The following HEXB variants were observed in gnomAD, a reference collection of about 807,000 sequenced individuals.
HEXB encodes the protein beta-hexosaminidase subunit beta.
Under a neutral mutation model 71.2 loss-of-function variants are expected in HEXB, and 51 were observed. The observed-to-expected ratio is 0.72, with a 90% CI of 0.57 to 0.90. The LOEUF is 0.90. HEXB is among the 40% of genes least tolerant of loss of function. The pLI is 0.00. For synonymous variants in HEXB, 266 were observed against 249.3 expected, an observed-to-expected ratio of 1.07 and a Z score of -0.63; for missense variants, 617 against 677.0, an observed-to-expected ratio of 0.91 and a Z score of 0.98.
Position 74,685,352 on chromosome 5 carries a change from C to T in HEXB, c.92C>T (p.Thr31Ile), listed in dbSNP as rs1033156510. ...CTGGCGGCGATGTTGGCGCTGCTGA[C>T]TCAGGTGGCGCTGGTGGTGCAGGTG... ...TLLAAMLALL[T>I]QVALVVQVAE... Residue 31 changes from threonine (T) to isoleucine (I), a missense_variant, in exon 1 of 14, where the codon ACT becomes ATT. Coordinates refer to ENST00000261416, the MANE Select transcript of HEXB (RefSeq NM_000521.4). 3 of 1,585,746 alleles carry T rather than the reference C, an allele frequency of 1.9e-6. No individual in the cohort carries two copies. The highest frequency in any genetic ancestry group is 2.6e-6 in the Non-Finnish European group (3 of 1,167,564).
At chr5:74,693,526 G>A in intron 2 of HEXB, 113 bp from the exon 3 acceptor site, 3 of 814,342 alleles carry the variant, frequency 3.7e-6, no homozygotes, top group Non-Finnish European at 6.5e-6. Flanking sequence ...AATAGGTCAT[G>A]TGCTTGGGAG....
chr5:74,700,001 CTTTTTTTTTTT>C (rs58177670), intron 5 of HEXB, among the ~76,000 whole-genome samples: 19 of 40,368 alleles, frequency 4.7e-4, no homozygotes, highest in African/African-American at 1.9e-3. Context: ...TGTAAGTTTC[CTTTTTTTTTTT>C]TTTTTTTTTT....
chr5:74,686,316 G>A, intron 1 of HEXB, among the ~76,000 whole-genome samples: 1 of 152,158 alleles, frequency 6.6e-6, no homozygotes, highest in Non-Finnish European at 1.5e-5. Context: ...GTTCCCCTGG[G>A]GAGATGTTTG....
At chr5:74,702,700 C>T (rs1749292008) in intron 5 of HEXB, among the ~76,000 whole-genome samples, 1 of 152,146 alleles carries the variant, frequency 6.6e-6, no homozygotes, top group Non-Finnish European at 1.5e-5. Context: ...CGTGTAAAAT[C>T]CCATTCTTCA....
upstream of HEXB, among the ~76,000 whole-genome samples, chr5:74,683,341 T>C (rs1458893067): frequency 6.6e-6 from 1 of 152,116 alleles, no homozygotes; most frequent in East Asian, 1.9e-4. Flanking sequence ...TCTTACTCTG[T>C]GGCACAGGCT....
At chr5:74,711,900 A>T (rs1749551847) in intron 6 of HEXB, among the ~76,000 whole-genome samples, 1 of 150,766 alleles carries the variant, frequency 6.6e-6, no homozygotes, top group Non-Finnish European at 1.5e-5. Context: ...AGAACTAGAA[A>T]TACCATTTGA....
chr5:74,653,242 T>C (rs1220077496), intron 1 of HEXB, among the ~76,000 whole-genome samples: 1 of 152,210 alleles, frequency 6.6e-6, no homozygotes, highest in Non-Finnish European at 1.5e-5. Flanking sequence ...TTTTTTAAAG[T>C]AATTTTTACA....
chr5:74,670,594 C>G (rs1032384945), intron 1 of HEXB, among the ~76,000 whole-genome samples: 3 of 152,210 alleles, frequency 2.0e-5, no homozygotes, highest in African/African-American at 7.2e-5. Context: ...GCCCCCAGAG[C>G]TGCCAGCCAG....
rs899562166 is a variant in HEXB, at chr5:74,652,900, C to T, written c.-377+12342C>T. Among the ~76,000 whole-genome samples, 1 of 152,210 alleles carries T rather than the reference C, an allele frequency of 6.6e-6. No homozygotes were observed. The highest frequency in any genetic ancestry group is 1.5e-5 in the Non-Finnish European group (1 of 68,042). ...CGACTACACACATCTACGCTAGTGACACATATCCCTTTATATACCAGTCAT... is the reference window on the plus strand; with the variant it reads ...CGACTACACACATCTACGCTAGTGATACATATCCCTTTATATACCAGTCAT... On this transcript the variant is annotated intron_variant, in intron 1 of 13. Coordinates refer to the HEXB transcript ENST00000511181. This position sits in a 1 kb window ranked among gnomAD's most constrained non-coding sequence, Gnocchi z 5.4.
At chr5:74,705,560 G>A (rs1749367374) in intron 6 of HEXB, 4 of 492,254 alleles carry the variant, frequency 8.1e-6, no homozygotes, top group Non-Finnish European at 1.5e-5. Flanking sequence ...AGTGTAAATC[G>A]AAATTTAACA....
chr5:74,699,196 C>T (rs1228496989), intron 5 of HEXB, among the ~76,000 whole-genome samples: 2 of 151,908 alleles, frequency 1.3e-5, no homozygotes, highest in African/African-American at 4.8e-5. Flanking sequence ...AACAAACAAA[C>T]AAAATGAATA....
chr5:74,698,393 A>T (rs184758295), intron 5 of HEXB, among the ~76,000 whole-genome samples: 3,111 of 132,746 alleles, frequency 0.023, 120 homozygotes, highest in African/African-American at 0.087. Flanking sequence ...TATTATTATT[A>T]TTATTTTTTT....
chr5:74,698,390 A>T (rs894828279), intron 5 of HEXB, among the ~76,000 whole-genome samples: 5 of 140,610 alleles, frequency 3.6e-5, no homozygotes, highest in African/African-American at 1.4e-4. Context: ...TATTATTATT[A>T]TTATTATTTT....
chr5:74,719,109 CAACT>C (rs1749747164), intron 11 of HEXB, 138 bp downstream of exon 11: 3 of 766,532 alleles, frequency 3.9e-6, no homozygotes, highest in East Asian at 2.6e-5. Context: ...TATTACCTAC[CAACT>C]ATCTTTTATG....
intron 6 of HEXB, among the ~76,000 whole-genome samples, chr5:74,707,664 T>C (rs1486368378): frequency 6.6e-6 from 1 of 152,064 alleles, no homozygotes; most frequent in South Asian, 2.1e-4. Context: ...GGAGCTGATG[T>C]GATCAACTGG....
intron 7 of HEXB, among the ~76,000 whole-genome samples, chr5:74,714,166 A>G (rs1404362681): frequency 6.6e-6 from 1 of 152,120 alleles, no homozygotes; most frequent in African/African-American, 2.4e-5. Context: ...GCAAAAGTGA[A>G]TATTTGAGGT....
intron 1 of HEXB, among the ~76,000 whole-genome samples, chr5:74,648,759 A>G (rs1748048196): frequency 6.6e-6 from 1 of 152,236 alleles, no homozygotes; most frequent in African/African-American, 2.4e-5. Flanking sequence ...CTATGGCTTA[A>G]TAAAATATAA....
At chr5:74,718,735 CTTTCAA>C in intron 10 of HEXB, 56 bp from the exon 11 acceptor site, 12 of 1,490,544 alleles carry the variant, frequency 8.1e-6, no homozygotes, top group South Asian at 2.3e-5. Context: ...ATGCCTTAAA[CTTTCAA>C]TTTCATCTAC....
At chr5:74,694,745 A>G (rs1414654137) in intron 3 of HEXB, among the ~76,000 whole-genome samples, 1 of 152,132 alleles carries the variant, frequency 6.6e-6, no homozygotes, top group Admixed American at 6.5e-5. Context: ...CAGGCAGATC[A>G]CTTGAGGTCA....
Sources: allele counts gnomAD v4.1 joint callset (sites outside exome capture counted in the v4.1 genomes callset), GRCh38; gene constraint gnomAD v4.1.1; non-coding constraint Gnocchi (gnomAD v3.1); transcripts MANE v1.5; gene names NCBI Gene and HGNC (gene_info 2026-07-23, HGNC 2026-07-21).